The following LSAMP variants were observed in gnomAD, a reference collection of about 807,000 sequenced individuals.
LSAMP encodes the protein limbic system-associated membrane protein.
A neutral mutation model predicts 38.6 loss-of-function variants in LSAMP; 7 were observed. The observed-to-expected ratio is 0.18, with a 90% confidence interval of 0.10 to 0.34. The LOEUF (loss-of-function observed/expected upper bound fraction) is 0.34. Ranked by LOEUF, LSAMP falls within the 10% of genes least tolerant of loss-of-function variation. The probability of loss-of-function intolerance (pLI) is 1.00; values close to 1 mark genes in which losing one functional copy is unlikely to be tolerated. For synonymous variants in LSAMP, 154 were observed against 166.8 expected (o/e 0.92, Z 0.59); for missense variants, 313 against 420.0 (o/e 0.75, Z 2.23).
At chr3:116,350,830 G>C (rs145332371) in intron 1 of LSAMP, among the ~76,000 whole-genome samples, 1 of 151,968 alleles carries the variant, frequency 6.6e-6, no homozygotes, top group Non-Finnish European at 1.5e-5. Context: ...TGTGAAGAAG[G>C]ATAAAAGAAA....
intron 3 of LSAMP, among the ~76,000 whole-genome samples, chr3:115,983,624 G>A (rs553931208): frequency 6.6e-6 from 1 of 152,198 alleles, no homozygotes; most frequent in African/African-American, 2.4e-5. Context: ...ATCACACATT[G>A]AGCCAACAAC....
intron 6 of LSAMP, chr3:115,834,484 C>T: frequency 9.6e-7 from 1 of 1,037,826 alleles, no homozygotes; most frequent in Non-Finnish European, 1.3e-6. Context: ...GTGTTTTCCC[C>T]CCTTTGTGTG....
At chr3:115,826,921 G>C (rs1463766327) in intron 6 of LSAMP, among the ~76,000 whole-genome samples, 3 of 149,654 alleles carry the variant, frequency 2.0e-5, no homozygotes, top group Non-Finnish European at 4.4e-5. Context: ...ATCTCCCAAC[G>C]GAAGACCAGC....
intron 1 of LSAMP, among the ~76,000 whole-genome samples, chr3:116,432,860 T>A (rs918441127): frequency 1.3e-5 from 2 of 152,130 alleles, no homozygotes; most frequent in African/African-American, 4.8e-5. Flanking sequence ...CAGTGCATCA[T>A]ATTAGTGCCA....
At chr3:116,089,802 TAAATAA>T (rs754100464) in intron 1 of LSAMP, among the ~76,000 whole-genome samples, 2 of 151,748 alleles carry the variant, frequency 1.3e-5, no homozygotes, top group Non-Finnish European at 2.9e-5. Context: ...AAAAAATAAA[TAAATAA>T]AAATAAAATA....
chr3:115,872,512 A>T (rs564345649), intron 3 of LSAMP, among the ~76,000 whole-genome samples: 2 of 152,226 alleles, frequency 1.3e-5, no homozygotes, highest in Admixed American at 1.3e-4. Context: ...AAGTCTAGAA[A>T]AGAGGAGGGG....
chr3:115,938,983 T>C (rs1334290972), intron 3 of LSAMP, among the ~76,000 whole-genome samples: 1 of 152,196 alleles, frequency 6.6e-6, no homozygotes, highest in African/African-American at 2.4e-5. Context: ...ATAGTTTTTA[T>C]TCTATGTGTT....
At chr3:116,182,716 G>T (rs936536354) in intron 1 of LSAMP, among the ~76,000 whole-genome samples, 5 of 151,702 alleles carry the variant, frequency 3.3e-5, no homozygotes, top group Non-Finnish European at 7.4e-5. Flanking sequence ...TGTTTTTTTG[G>T]TAGAGATGTC....
chr3:116,203,332 T>A, intron 1 of LSAMP, among the ~76,000 whole-genome samples: 1 of 152,262 alleles, frequency 6.6e-6, no homozygotes, highest in East Asian at 1.9e-4. Flanking sequence ...ATATATAGAA[T>A]TTGATTAAAT....
intron 2 of LSAMP, among the ~76,000 whole-genome samples, chr3:116,077,632 AT>A: frequency 6.6e-6 from 1 of 152,292 alleles, no homozygotes; most frequent in East Asian, 1.9e-4. Context: ...CTTTGAAATA[AT>A]TTCAAGTTTA....
chr3:116,419,845 G>A (rs545246788), intron 1 of LSAMP, among the ~76,000 whole-genome samples: 1 of 152,254 alleles, frequency 6.6e-6, no homozygotes, highest in East Asian at 1.9e-4. Context: ...ATAGAGGAAA[G>A]TATTTTAGAC....
At chr3:116,104,586 C>T (rs958658897) in intron 1 of LSAMP, among the ~76,000 whole-genome samples, 9 of 152,158 alleles carry the variant, frequency 5.9e-5, no homozygotes, top group Non-Finnish European at 1.0e-4. Flanking sequence ...TTGCCGAAAT[C>T]ATCCATTTTA....
At chr3:116,097,512 T>A (rs780205416) in intron 1 of LSAMP, among the ~76,000 whole-genome samples, 7 of 152,172 alleles carry the variant, frequency 4.6e-5, no homozygotes, top group Non-Finnish European at 8.8e-5. Context: ...ATAATTCAGA[T>A]CAAATTATGC....
chr3:116,442,498 C>T (rs2049448618), intron 1 of LSAMP, among the ~76,000 whole-genome samples: 1 of 152,026 alleles, frequency 6.6e-6, no homozygotes, highest in African/African-American at 2.4e-5. Context: ...AAGCAGAAAG[C>T]AAGAGCACCA....
intron 1 of LSAMP, among the ~76,000 whole-genome samples, chr3:116,407,469 C>A (rs577510414): frequency 1.3e-5 from 2 of 152,148 alleles, no homozygotes; most frequent in African/African-American, 2.4e-5. Flanking sequence ...GCCATTCCCC[C>A]CTATACCCAC....
In LSAMP at chr3:116,138,905, T is replaced by C. The variant is rs77636734; in HGVS notation, c.156-52349A>G. ...CAGCCAAAGCAATCTATGGTTGTTG[T>C]TGAGTCATTTTCAGTAAGAATCCAC... is the stretch of plus-strand genomic sequence containing the variant. On this transcript the variant is annotated intron_variant, in intron 1 of 6. Transcript: ENST00000490035. 8.3e-4 allele frequency among the ~76,000 whole-genome samples: 126 copies of C among 151,788 alleles called. 3 individuals carry two copies. In the East Asian group the frequency reaches 0.023, roughly 27 times the overall value.
intron 2 of LSAMP, among the ~76,000 whole-genome samples, chr3:116,046,256 C>T (rs1941285753): frequency 6.6e-6 from 1 of 152,166 alleles, no homozygotes. Flanking sequence ...AACTTGTTTA[C>T]TGGGAACTGC....
intron 2 of LSAMP, among the ~76,000 whole-genome samples, chr3:116,039,707 C>T (rs1375649744): frequency 6.6e-6 from 1 of 152,128 alleles, no homozygotes; most frequent in Non-Finnish European, 1.5e-5. Context: ...AACAGTCCTG[C>T]TGGGTGGGGC....
Position 116,107,624 on chromosome 3 carries a change from T to G in LSAMP, c.156-21068A>C, listed in dbSNP as rs13092596. Among the ~76,000 whole-genome samples the G allele has an allele frequency of 2.6e-5, 4 of 152,058 alleles. No individual in the cohort carries two copies. The East Asian group carries it at 7.7e-4, about 29-fold the overall frequency. On this transcript the variant is annotated intron_variant, in intron 1 of 6. Transcript: ENST00000490035. ...TTTTTAAGAGAATTATGCCGAGATA[T>G]GTAACAGATGAGAATGAAATTTGGG...
Sources: allele counts gnomAD v4.1 joint callset (sites outside exome capture counted in the v4.1 genomes callset), GRCh38; gene constraint gnomAD v4.1.1; transcripts MANE v1.5; gene names NCBI Gene and HGNC (gene_info 2026-07-23, HGNC 2026-07-21).